The following BLVRB variants were observed in gnomAD, a reference collection of about 807,000 sequenced individuals.
BLVRB encodes the protein flavin reductase (NADPH).
Under a neutral mutation model 21.1 loss-of-function variants are expected in BLVRB, and 25 were observed. That is an observed-to-expected ratio of 1.19 (90% CI 0.86 to 1.66). The LOEUF is 1.66. BLVRB is among the 40% of genes most tolerant of loss of function. The pLI, the probability that BLVRB is intolerant of heterozygous loss-of-function variation, is 0.00. For synonymous variants in BLVRB, 128 were observed against 122.2 expected (o/e 1.05, Z -0.31); for missense variants, 274 against 282.7 (o/e 0.97, Z 0.22).
At chr19:40,460,280 A>G (rs1445851291) in intron 1 of BLVRB, among the ~76,000 whole-genome samples, 1 of 144,756 alleles carries the variant, frequency 6.9e-6, no homozygotes, top group Non-Finnish European at 1.5e-5. Context: ...ATATATTTAG[A>G]GACAGGGTCT....
At chr19:40,460,617 T>A (rs922047841) in intron 1 of BLVRB, among the ~76,000 whole-genome samples, 22 of 149,162 alleles carry the variant, frequency 1.5e-4, no homozygotes, top group Non-Finnish European at 2.8e-4. Context: ...ATAAATAAAT[T>A]AAATTAAATT....
chr19:40,460,802 G>A (rs1376373500), intron 1 of BLVRB, among the ~76,000 whole-genome samples: 6 of 151,836 alleles, frequency 4.0e-5, no homozygotes, highest in African/African-American at 1.2e-4. Context: ...GGGAAACCCC[G>A]CCTCTACTAA....
intron 3 of BLVRB, among the ~76,000 whole-genome samples, chr19:40,455,294 C>G (rs1280113024): frequency 6.6e-6 from 1 of 152,216 alleles, no homozygotes; most frequent in Non-Finnish European, 1.5e-5. Flanking sequence ...GAAGATTAAA[C>G]TCTAATAATT....
intron 3 of BLVRB, among the ~76,000 whole-genome samples, chr19:40,457,035 T>C (rs1474758646): frequency 1.3e-5 from 2 of 151,500 alleles, no homozygotes; most frequent in African/African-American, 4.9e-5. Context: ...ATTAGCCAGG[T>C]GTGGTGGTGC....
chr19:40,464,256 A>ATT (rs149934847), intron 1 of BLVRB, among the ~76,000 whole-genome samples: 41 of 147,842 alleles, frequency 2.8e-4, no homozygotes, highest in Admixed American at 1.4e-3. Flanking sequence ...CAGCTAATTT[A>ATT]TTTTTTTTTT....
chr19:40,453,040 G>T (rs1160935429), intron 3 of BLVRB, among the ~76,000 whole-genome samples: 1 of 152,140 alleles, frequency 6.6e-6, no homozygotes, highest in Non-Finnish European at 1.5e-5. Flanking sequence ...TCCAGCCTGG[G>T]TGACAGAGCA....
At chr19:40,460,713 C>T (rs1396504239) in intron 1 of BLVRB, among the ~76,000 whole-genome samples, 1 of 152,134 alleles carries the variant, frequency 6.6e-6, no homozygotes, top group Non-Finnish European at 1.5e-5. Flanking sequence ...TGGCTCACGC[C>T]TGTAATCCCA....
At chr19:40,453,217 C>G (rs1477917652) in intron 3 of BLVRB, among the ~76,000 whole-genome samples, 5 of 152,170 alleles carry the variant, frequency 3.3e-5, no homozygotes, top group African/African-American at 7.2e-5. Flanking sequence ...TGCCATTTCC[C>G]TCTCGTAGCC....
rs45578636 is a variant in BLVRB, at chr19:40,465,128, A to G, written c.79+482T>C. Among the ~76,000 whole-genome samples the G allele has an allele frequency of 2.0e-4, 31 of 152,232 alleles. 1 individual carries two copies. The highest frequency in any genetic ancestry group is 1.7e-3 in the East Asian group (9 of 5,186). ...TGGTTAAGAGCATGAGCTGAGTTCA[A>G]ATCCCAGTCCTGTCAGTTAACAGCT... On this transcript the variant is annotated intron_variant, in intron 1 of 4. Coordinates refer to ENST00000263368, the MANE Select transcript of BLVRB (RefSeq NM_000713.3).
At chr19:40,453,909 C>T (rs945235532) in intron 3 of BLVRB, among the ~76,000 whole-genome samples, 2 of 152,106 alleles carry the variant, frequency 1.3e-5, no homozygotes, top group Non-Finnish European at 1.5e-5. Flanking sequence ...CGCTTGAGCT[C>T]AGGAGTTCGA....
intron 3 of BLVRB, among the ~76,000 whole-genome samples, chr19:40,454,174 C>T (rs1449984130): frequency 6.6e-6 from 1 of 151,754 alleles, no homozygotes; most frequent in East Asian, 1.9e-4. Flanking sequence ...GAGTTGGAGG[C>T]GGTAGCGAGC....
intron 1 of BLVRB, among the ~76,000 whole-genome samples, chr19:40,460,549 T>C (rs2079782734): frequency 6.6e-6 from 1 of 151,332 alleles, no homozygotes; most frequent in African/African-American, 2.4e-5. Flanking sequence ...TAGTGAGCTA[T>C]GATTGTACCA....
chr19:40,457,772 C>CTA, intron 3 of BLVRB: 1 of 238,426 alleles, frequency 4.2e-6, no homozygotes, highest in Non-Finnish European at 8.2e-6. Context: ...ATCCACAGCT[C>CTA]TATCACTTCC....
chr19:40,458,697 G>A (rs544779031), intron 1 of BLVRB, 152 bp from the exon 2 acceptor site: 2 of 1,099,568 alleles, frequency 1.8e-6, no homozygotes, highest in Non-Finnish European at 1.3e-6. Flanking sequence ...TTTTCTTTTT[G>A]TTTGTTTTGT....
intron 1 of BLVRB, among the ~76,000 whole-genome samples, chr19:40,463,288 C>G (rs1328010014): frequency 6.6e-6 from 1 of 152,210 alleles, no homozygotes; most frequent in Non-Finnish European, 1.5e-5. Context: ...CAATGCTAGT[C>G]TAAGTACCTC....
At chr19:40,452,904 C>A (rs9749496) in intron 3 of BLVRB, among the ~76,000 whole-genome samples, 41,198 of 121,164 alleles carry the variant, frequency 0.34, 6,156 homozygotes, top group African/African-American at 0.49. Flanking sequence ...ACAAAAAAAA[C>A]ACAAAAATTA....
intron 4 of BLVRB, among the ~76,000 whole-genome samples, chr19:40,450,063 T>C (rs970118373): frequency 6.6e-6 from 1 of 150,400 alleles, no homozygotes; most frequent in Non-Finnish European, 1.5e-5. Flanking sequence ...CTGGGCGTGG[T>C]GGCACGCGCC....
chr19:40,449,077 CAA>C (rs112334695), intron 4 of BLVRB, among the ~76,000 whole-genome samples: 9 of 137,754 alleles, frequency 6.5e-5, no homozygotes, highest in Non-Finnish European at 6.3e-5. Context: ...GACCCTGTCT[CAA>C]AAAAAAAAAA....
At chr19:40,458,130 C>T (rs752054595) in intron 3 of BLVRB, 25 bp downstream of exon 3, 1 of 1,610,240 alleles carries the variant, frequency 6.2e-7, no homozygotes, top group Non-Finnish European at 8.5e-7. Flanking sequence ...CAGTTCAGCC[C>T]CACCTCCATG....
Sources: allele counts gnomAD v4.1 joint callset (sites outside exome capture counted in the v4.1 genomes callset), GRCh38; gene constraint gnomAD v4.1.1; transcripts MANE v1.5; gene names NCBI Gene and HGNC (gene_info 2026-07-23, HGNC 2026-07-21).